VAT1L: variants seen among roughly 807,000 people sequenced by gnomAD.
The protein encoded by VAT1L is putative NADPH-dependent quinone oxidoreductase VAT1L.
VAT1L carries 34 observed loss-of-function variants against 44.1 expected under a neutral mutation model. The observed-to-expected ratio is 0.77, with a 90% CI of 0.59 to 1.03. VAT1L has a LOEUF of 1.03. VAT1L is among the 50% of genes least tolerant of loss of function. The pLI is 0.00. For synonymous variants in VAT1L, 253 were observed against 202.2 expected, an observed-to-expected ratio of 1.25 and a Z score of -2.13; for missense variants, 615 against 538.8, an observed-to-expected ratio of 1.14 and a Z score of -1.40.
In VAT1L at chr16:77,941,324, A is replaced by G. The variant is rs116979990; in HGVS notation, c.1078-30526A>G. On this transcript the variant is annotated intron_variant, in intron 7 of 8. Transcript: ENST00000302536. ...CCTTTAGAATCTCCTGCTGCCATTC[A>G]TCCTACTCACCGAAACAGATTTTGA... 5.8e-3 allele frequency among the ~76,000 whole-genome samples: 882 copies of G among 152,254 alleles called. 3 individuals carry two copies. The highest frequency in any genetic ancestry group is 0.01 in the Non-Finnish European group (686 of 68,024).
chr16:77,973,007 C>T (rs1279156120), intron 8 of VAT1L, among the ~76,000 whole-genome samples: 1 of 151,450 alleles, frequency 6.6e-6, no homozygotes, highest in African/African-American at 2.4e-5. Flanking sequence ...TTTCTTTCAC[C>T]AGAATAAAAC....
chr16:77,954,933 A>G (rs575868909), intron 7 of VAT1L, among the ~76,000 whole-genome samples: 4 of 152,310 alleles, frequency 2.6e-5, no homozygotes, highest in African/African-American at 7.2e-5. Flanking sequence ...AACTCCAAAT[A>G]TAGGAAACAC....
chr16:77,796,946 G>A (rs1033950788), intron 1 of VAT1L, among the ~76,000 whole-genome samples: 2 of 152,124 alleles, frequency 1.3e-5, no homozygotes, highest in Non-Finnish European at 2.9e-5. Context: ...ACACTGAGTA[G>A]AATAATAGAC....
chr16:77,973,228 T>C (rs759489359), intron 8 of VAT1L, among the ~76,000 whole-genome samples: 1 of 152,186 alleles, frequency 6.6e-6, no homozygotes, highest in African/African-American at 2.4e-5. Context: ...AAAGTGGAGA[T>C]TGATAAGTTC....
At chr16:77,927,337 C>CA (rs113375025) in intron 7 of VAT1L, among the ~76,000 whole-genome samples, 8,912 of 119,496 alleles carry the variant, frequency 0.075, 355 homozygotes, top group Non-Finnish European at 0.1. Flanking sequence ...GACTCCATCT[C>CA]AAAAAAAAAA....
intron 8 of VAT1L, among the ~76,000 whole-genome samples, chr16:77,974,941 C>T (rs184061056): frequency 1.3e-4 from 20 of 152,064 alleles, no homozygotes; most frequent in Non-Finnish European, 2.5e-4. Context: ...AGAGCAACCA[C>T]GTGGTGGAAA....
chr16:77,943,310 G>C (rs1395275750), intron 7 of VAT1L, among the ~76,000 whole-genome samples: 1 of 151,692 alleles, frequency 6.6e-6, no homozygotes, highest in Non-Finnish European at 1.5e-5. Context: ...ACCCGCCTCA[G>C]CCTCCCAAAG....
At position 77,879,709 on chromosome 16, in the gene VAT1L, T is replaced by A. The variant is rs189554670; in HGVS notation, c.882+485T>A. ...GGTCAGGACCAGAATTTAGACTACTTTTGTCTAAATGAAACAGAGAGGTGG... is the reference window on the plus strand; with the variant it reads ...GGTCAGGACCAGAATTTAGACTACTATTGTCTAAATGAAACAGAGAGGTGG... On this transcript the variant is annotated intron_variant, in intron 6 of 8. Coordinates refer to ENST00000302536, the MANE Select transcript of VAT1L (RefSeq NM_020927.3). The surrounding 1 kb of genome is among the most constrained non-coding windows in gnomAD (Gnocchi z 4.1). Among the ~76,000 whole-genome samples, 1 of 152,290 alleles carries A rather than the reference T, an allele frequency of 6.6e-6. No homozygotes were observed. The highest frequency in any genetic ancestry group is 2.4e-5 in the African/African-American group (1 of 41,570).
chr16:77,891,513 C>G (rs935200182), intron 7 of VAT1L, among the ~76,000 whole-genome samples: 1 of 152,172 alleles, frequency 6.6e-6, no homozygotes, highest in African/African-American at 2.4e-5. Flanking sequence ...GTAGGAAAAA[C>G]TTTGTCTTCC....
intron 7 of VAT1L, among the ~76,000 whole-genome samples, chr16:77,927,842 C>T (rs554248673): frequency 1.3e-5 from 2 of 152,178 alleles, no homozygotes; most frequent in Admixed American, 6.5e-5. Flanking sequence ...GTACTCCAGT[C>T]TGGGTGACAG....
At chr16:77,959,480 T>C (rs1207482493) in intron 7 of VAT1L, among the ~76,000 whole-genome samples, 1 of 152,236 alleles carries the variant, frequency 6.6e-6, no homozygotes, top group Non-Finnish European at 1.5e-5. Flanking sequence ...TTGGTAGATG[T>C]GTTTCTTAAT....
chr16:77,916,908 T>C (rs1381859137), intron 7 of VAT1L, among the ~76,000 whole-genome samples: 3 of 151,978 alleles, frequency 2.0e-5, no homozygotes, highest in African/African-American at 4.8e-5. Context: ...ATTGCACTCA[T>C]GGTAATATTA....
At chr16:77,870,683 A>G (rs1007683537) in intron 4 of VAT1L, among the ~76,000 whole-genome samples, 4 of 152,238 alleles carry the variant, frequency 2.6e-5, no homozygotes, top group African/African-American at 7.2e-5. Flanking sequence ...TTAAATCCGC[A>G]GAGATTTATG....
intron 5 of VAT1L, among the ~76,000 whole-genome samples, chr16:77,877,184 TTTCTGTCATAGGCA>T (rs1181136685): frequency 1.3e-5 from 2 of 152,272 alleles, no homozygotes; most frequent in Admixed American, 1.3e-4. Flanking sequence ...TTTTTCTTCT[TTTCTGTCATAGGCA>T]TGCAAACCAA....
chr16:77,819,335 A>G (rs1474515156), intron 2 of VAT1L, among the ~76,000 whole-genome samples: 1 of 151,852 alleles, frequency 6.6e-6, no homozygotes, highest in African/African-American at 2.4e-5. Context: ...ATTAGACCCT[A>G]GTTATCTTCT....
chr16:77,839,602 G>C (rs2016682546), intron 3 of VAT1L, among the ~76,000 whole-genome samples: 1 of 127,062 alleles, frequency 7.9e-6, no homozygotes, highest in Non-Finnish European at 1.6e-5. Flanking sequence ...CTGGGCATTT[G>C]ACAAACTGAC....
At chr16:77,905,973 T>C (rs552111665) in intron 7 of VAT1L, among the ~76,000 whole-genome samples, 1 of 152,232 alleles carries the variant, frequency 6.6e-6, no homozygotes, top group Non-Finnish European at 1.5e-5. Flanking sequence ...ACTCAAACCT[T>C]CTTTGATGTT....
At chr16:77,848,621 A>C (rs1354071298) in intron 3 of VAT1L, among the ~76,000 whole-genome samples, 4 of 152,170 alleles carry the variant, frequency 2.6e-5, no homozygotes, top group African/African-American at 7.2e-5. Flanking sequence ...CAAAAACGAC[A>C]AAAACAAAAG....
At chr16:77,951,994 T>G (rs563641921) in intron 7 of VAT1L, among the ~76,000 whole-genome samples, 2 of 152,250 alleles carry the variant, frequency 1.3e-5, no homozygotes, top group Non-Finnish European at 2.9e-5. Flanking sequence ...AAAGGACGTT[T>G]CAGGAAGAAG....
Sources: gnomAD v4.1 joint callset for allele counts (sites outside exome capture counted in the v4.1 genomes callset) on GRCh38, gnomAD v4.1.1 for gene constraint, Gnocchi (gnomAD v3.1) non-coding constraint, MANE v1.5 for transcripts, NCBI Gene and HGNC (gene_info 2026-07-23, HGNC 2026-07-21) for gene names.